NID1: variants seen among roughly 807,000 people sequenced by gnomAD.
NID1 encodes the protein nidogen-1.
NID1 carries 76 observed loss-of-function variants against 130.6 expected under a neutral mutation model. The observed-to-expected ratio is 0.58, with a 90% CI of 0.48 to 0.70. The LOEUF (loss-of-function observed/expected upper bound fraction) is 0.70, where lower values mean the gene tolerates loss of function less well. Among genes scored for constraint, NID1 ranks in the 30% least tolerant of loss-of-function variants. The probability of loss-of-function intolerance (pLI) is 0.00; values close to 1 mark genes in which losing one functional copy is unlikely to be tolerated. For synonymous variants in NID1, 665 were observed against 675.1 expected (o/e 0.98, Z 0.23); for missense variants, 1,517 against 1,664.8 (o/e 0.91, Z 1.54).
intron 1 of NID1, among the ~76,000 whole-genome samples, chr1:236,061,731 T>TAA (rs904437209): frequency 6.7e-6 from 1 of 149,056 alleles, no homozygotes; most frequent in Non-Finnish European, 1.5e-5. Flanking sequence ...TCTCAACAAT[T>TAA]AAAAAAAAAA....
intron 3 of NID1, among the ~76,000 whole-genome samples, chr1:236,043,765 T>C (rs1232378828): frequency 6.6e-6 from 1 of 151,966 alleles, no homozygotes; most frequent in African/African-American, 2.4e-5. Flanking sequence ...GCCACTGCAC[T>C]CCAGCCTGGG....
chr1:235,987,859 G>A (rs1657618783), intron 14 of NID1, among the ~76,000 whole-genome samples: 1 of 152,156 alleles, frequency 6.6e-6, no homozygotes, highest in Non-Finnish European at 1.5e-5. Flanking sequence ...AAAAAGGACA[G>A]TGACCCTTAC....
At position 236,002,034 on chromosome 1, in the gene NID1, C is replaced by T. The variant is rs78511101; in HGVS notation, c.2528-8162G>A. Among the ~76,000 whole-genome samples the T allele has an allele frequency of 1.3e-3, 200 of 152,330 alleles. 3 individuals are homozygous for T. In the East Asian group the frequency reaches 0.021, roughly 16 times the overall value. On this transcript the variant is annotated intron_variant, in intron 12 of 19. Transcript: ENST00000264187. ...TTAGTGAAAGCTGCCATCAGCCAGG[C>T]GCCCTGCAAGGGCTAAATAGGAGAG...
intron 12 of NID1, among the ~76,000 whole-genome samples, chr1:236,005,377 A>G (rs1301785143): frequency 2.0e-5 from 3 of 152,212 alleles, no homozygotes; most frequent in African/African-American, 7.2e-5. Flanking sequence ...TGCTTTTGGA[A>G]AGCATAAATA....
Position 236,053,835 on chromosome 1 carries a change from AG to A in NID1, c.226-4847del, listed in dbSNP as rs368946133. On this transcript the variant is annotated intron_variant, in intron 1 of 19. Transcript: ENST00000264187. ...GTGCACCCAGGTTATTTTAGAAATA[AG>A]GCCTGAGGGTGAGCTCAGTTGTAAG... 1.4e-4 allele frequency among the ~76,000 whole-genome samples: 22 copies of A among 152,350 alleles called. No homozygotes were observed. The South Asian group carries it at 4.6e-3, about 32-fold the overall frequency.
intron 12 of NID1, among the ~76,000 whole-genome samples, chr1:235,997,758 C>T (rs1333972600): frequency 1.3e-5 from 2 of 152,048 alleles, no homozygotes; most frequent in African/African-American, 4.8e-5. Flanking sequence ...AGGTGCCCAC[C>T]ACCATGTCTG....
At position 235,993,733 on chromosome 1, in the gene NID1, G is replaced by A. The variant is rs201356535; in HGVS notation, c.2667C>T (p.Cys889=). The A allele has an allele frequency of 1.7e-3, 2,687 of 1,612,264 alleles. 17 individuals are homozygous for A. The Middle Eastern group carries it at 0.017, about 10-fold the overall frequency. ...ACCAGCAGTAGCCGGTGCTGCCGTG[G>A]CACTGGGTGGGCGCGTAGTGCCCGT... The part of the protein sequence containing the change: ...DAHGHYAPTQ[C]HGSTGYCWCV... Residue 889 remains cysteine (C), a synonymous_variant, in exon 13 of 20, where the codon TGC becomes TGT. Transcript: ENST00000264187.
chr1:236,065,008 C>G lies in NID1; in HGVS notation c.72G>C (p.Gly24=). The change falls in exon 1 of 20, where the codon GGG becomes GGC. Residue 24 remains glycine (G), a synonymous_variant. Coordinates refer to ENST00000264187, the MANE Select transcript of NID1 (RefSeq NM_002508.3). The surrounding 1 kb of genome is among the most constrained non-coding windows in gnomAD (Gnocchi z 4.1). ...RALLLPLLLA[G]PVGCLSRQEL... is the part of the protein sequence containing the mutation. ...CCTGGCGGCTCAGGCAGCCCACAGGCCCCGCCAGCAGCAGCGGCAGCAGCA... is the reference window on the plus strand; with the variant it reads ...CCTGGCGGCTCAGGCAGCCCACAGGGCCCGCCAGCAGCAGCGGCAGCAGCA... 6.4e-7 allele frequency: 1 copy of G among 1,563,442 alleles called. No homozygotes were observed. Among genetic ancestry groups the G allele is most frequent in the Non-Finnish European group, 8.7e-7 (1 of 1,154,472 alleles).
At chr1:235,997,531 CATAGACTAGAATATTATATATT>C (rs983053095) in intron 12 of NID1, among the ~76,000 whole-genome samples, 1 of 150,274 alleles carries the variant, frequency 6.7e-6, no homozygotes, top group Non-Finnish European at 1.5e-5. Flanking sequence ...ACTGTAATCA[CATAGACTAGAATATTATATATT>C]TCTCAGAATT....
intron 10 of NID1, 86 bp from the exon 11 acceptor site, chr1:236,013,646 C>A (rs1211309495): frequency 5.9e-6 from 9 of 1,517,880 alleles, no homozygotes; most frequent in Non-Finnish European, 7.2e-6. Flanking sequence ...TAAAGAGAGA[C>A]CATGCCTGGA....
intron 15 of NID1, 88 bp downstream of exon 15, chr1:235,985,291 C>T (rs1657544061): frequency 4.3e-6 from 6 of 1,401,872 alleles, no homozygotes; most frequent in African/African-American, 1.4e-5. Context: ...GAAAGTTTGG[C>T]TTCATTTGCT....
At chr1:235,998,066 T>G (rs1657977195) in intron 12 of NID1, among the ~76,000 whole-genome samples, 1 of 152,130 alleles carries the variant, frequency 6.6e-6, no homozygotes, top group Non-Finnish European at 1.5e-5. Context: ...CAGAGACATT[T>G]CGAGCTCTGC....
intron 12 of NID1, among the ~76,000 whole-genome samples, chr1:236,000,171 G>A (rs542712388): frequency 6.6e-5 from 10 of 152,016 alleles, no homozygotes; most frequent in African/African-American, 1.5e-4. Context: ...CTGAGATTGC[G>A]CCACTGCACT....
chr1:236,022,613 C>T (rs1342415136), intron 9 of NID1, among the ~76,000 whole-genome samples: 2 of 150,136 alleles, frequency 1.3e-5, no homozygotes, highest in East Asian at 2.1e-4. Context: ...GCTGGGATTA[C>T]AGGTGTGAGC....
chr1:236,028,678 G>C (rs551233119), intron 7 of NID1, among the ~76,000 whole-genome samples: 1 of 145,324 alleles, frequency 6.9e-6, no homozygotes, highest in African/African-American at 2.7e-5. Context: ...TTCTCAAATG[G>C]TCAGTATACA....
Position 235,976,108 on chromosome 1 carries a change from C to T in NID1, c.*1759G>A, listed in dbSNP as rs1006836360. On this transcript the variant is annotated 3_prime_UTR_variant, in exon 20 of 20. Transcript: ENST00000264187. ...GAGACTAATTTATGGATTTGGGCTA[C>T]GTAAAAGACCTACATGGTCCTCGAA... 9.2e-5 allele frequency: 14 copies of T among 152,194 alleles called. No homozygotes were observed. The highest frequency in any genetic ancestry group is 1.3e-4 in the Non-Finnish European group (9 of 68,040). The allele number at this position is 152,194 out of a possible 1,614,324, so 9.4% of individuals were successfully genotyped here.
At chr1:235,990,781 TG>T (rs1657711427) in intron 14 of NID1, 104 bp downstream of exon 14, 26 of 1,279,222 alleles carry the variant, frequency 2.0e-5, no homozygotes, top group Non-Finnish European at 2.7e-5. Flanking sequence ...TGAGCACCCA[TG>T]GTTCCAGGGG....
intron 10 of NID1, among the ~76,000 whole-genome samples, chr1:236,015,410 G>T (rs539965254): frequency 6.6e-6 from 1 of 152,216 alleles, no homozygotes; most frequent in South Asian, 2.1e-4. Flanking sequence ...ATTTTGGGAG[G>T]CCAAGGCAGG....
intron 12 of NID1, among the ~76,000 whole-genome samples, chr1:235,999,983 G>A (rs539035425): frequency 3.9e-5 from 6 of 152,178 alleles, no homozygotes; most frequent in Non-Finnish European, 8.8e-5. Context: ...GGAGGCTGAG[G>A]CGGGTGGATC....
Sources: allele counts gnomAD v4.1 joint callset (sites outside exome capture counted in the v4.1 genomes callset), GRCh38; gene constraint gnomAD v4.1.1; non-coding constraint Gnocchi (gnomAD v3.1); transcripts MANE v1.5; gene names NCBI Gene and HGNC (gene_info 2026-07-23, HGNC 2026-07-21).